The following HDAC9 variants were observed in gnomAD, a reference collection of about 807,000 sequenced individuals.
HDAC9 encodes the protein MEF-2 interacting transcription repressor (MITR) protein.
A neutral mutation model predicts 139.4 loss-of-function variants in HDAC9; 41 were observed. That is an observed-to-expected ratio of 0.29 (90% CI 0.23 to 0.38). The LOEUF (loss-of-function observed/expected upper bound fraction) is 0.38, where lower values mean the gene tolerates loss of function less well. Among genes scored for constraint, HDAC9 ranks in the 10% least tolerant of loss-of-function variants. The pLI is 1.00. For synonymous variants in HDAC9, 517 were observed against 476.2 expected (o/e 1.09, Z -1.12); for missense variants, 1,147 against 1,297.0 (o/e 0.88, Z 1.78).
At chr7:18,497,133 G>A (rs367915466) in intron 2 of HDAC9, among the ~76,000 whole-genome samples, 21 of 152,238 alleles carry the variant, frequency 1.4e-4, no homozygotes, top group African/African-American at 4.6e-4. Context: ...ATCACTTAAC[G>A]TGTAATTATT....
intron 1 of HDAC9, among the ~76,000 whole-genome samples, chr7:18,412,629 C>G (rs1203545566): frequency 6.6e-6 from 1 of 152,172 alleles, no homozygotes; most frequent in African/African-American, 2.4e-5. Context: ...CACTAAGGGA[C>G]TCACGCTCAG....
chr7:18,265,846 G>T (rs899347098), intron 2 of HDAC9, among the ~76,000 whole-genome samples: 1 of 152,058 alleles, frequency 6.6e-6, no homozygotes, highest in Non-Finnish European at 1.5e-5. Context: ...GGAAAATTTG[G>T]CCTTCCACAG....
chr7:18,568,026 G>GTGTATATATATATATATATATATATATA lies in HDAC9; in HGVS notation c.23-17254_23-17253insGTATATATATATATATATATATATATAT, dbSNP rs1384273199. Among the ~76,000 whole-genome samples the GTGTATATATATATATATATATATATATA allele has an allele frequency of 1.8e-3, 226 of 126,798 alleles. 7 individuals carry two copies. The highest frequency in any genetic ancestry group is 2.7e-3 in the Non-Finnish European group (161 of 60,698). 83.2% of individuals were successfully genotyped at this position (126,798 alleles called of 152,430 possible). A position where few individuals can be genotyped will look rare whatever the true frequency, so the allele number is the denominator to read the frequency against. On this transcript the variant is annotated intron_variant, in intron 2 of 25. Transcript: ENST00000686413. ...TTATACATACAGGATATATGTATATGTATATATATATATATATATATATAT... is the reference window on the plus strand; with the variant it reads ...TTATACATACAGGATATATGTATATGTGTATATATATATATATATATATATATATATATATATATATATATATATATAT...
At chr7:18,165,677 C>A (rs1031503696) in intron 2 of HDAC9, among the ~76,000 whole-genome samples, 5 of 151,642 alleles carry the variant, frequency 3.3e-5, no homozygotes, top group South Asian at 2.1e-4. Flanking sequence ...GTAGTCCCTG[C>A]TACTTAGGAA....
intron 1 of HDAC9, among the ~76,000 whole-genome samples, chr7:18,153,414 G>A (rs1346593119): frequency 6.6e-6 from 1 of 152,102 alleles, no homozygotes; most frequent in Non-Finnish European, 1.5e-5. Flanking sequence ...TGTAAATGAA[G>A]TAGCAGCCCA....
At position 18,549,972 on chromosome 7, in the gene HDAC9, G is replaced by A. The variant is rs553586194; in HGVS notation, c.23-35309G>A. Reference sequence around the variant, plus strand: ...TTTTTTTTTGTAGGATACTGAGATAGCTTACTTTTCTTGCTTAGGAATGCC... The same window carrying A: ...TTTTTTTTTGTAGGATACTGAGATAACTTACTTTTCTTGCTTAGGAATGCC... On this transcript the variant is annotated intron_variant, in intron 2 of 25. Coordinates refer to ENST00000686413, the MANE Select transcript of HDAC9 (RefSeq NM_178425.4). 2.1e-4 allele frequency among the ~76,000 whole-genome samples: 31 copies of A among 150,080 alleles called. No individual in the cohort carries two copies. In the South Asian group the frequency reaches 5.9e-3, roughly 29 times the overall value.
intron 2 of HDAC9, chr7:18,517,641 A>T (rs112683480): frequency 1.4e-3 from 215 of 152,324 alleles, no homozygotes; most frequent in African/African-American, 4.8e-3. Context: ...TGATTTGAAC[A>T]TTTGTCCATC....
intron 1 of HDAC9, among the ~76,000 whole-genome samples, chr7:18,385,329 TGC>T (rs1207414080): frequency 6.6e-6 from 1 of 151,862 alleles, no homozygotes; most frequent in Non-Finnish European, 1.5e-5. Flanking sequence ...ACAGTATGTG[TGC>T]TTCTAAAATC....
chr7:18,662,206 G>A (rs1412146000), intron 11 of HDAC9, among the ~76,000 whole-genome samples: 1 of 151,956 alleles, frequency 6.6e-6, no homozygotes, highest in Admixed American at 6.6e-5. Context: ...TTTCTAAAAT[G>A]TTTCACCTTT....
intron 1 of HDAC9, among the ~76,000 whole-genome samples, chr7:18,368,513 A>G (rs1784356952): frequency 6.6e-6 from 1 of 151,992 alleles, no homozygotes; most frequent in South Asian, 2.1e-4. Flanking sequence ...CACTATGTTT[A>G]TAGAGCAAAA....
chr7:18,324,342 T>TACTTCACC (rs1441610685), intron 1 of HDAC9, among the ~76,000 whole-genome samples: 3 of 152,170 alleles, frequency 2.0e-5, no homozygotes, highest in Non-Finnish European at 4.4e-5. Flanking sequence ...CCGGTTCAAT[T>TACTTCACC]TCTTGGCAAA....
chr7:18,282,469 G>C (rs558398004), intron 2 of HDAC9, among the ~76,000 whole-genome samples: 3 of 152,262 alleles, frequency 2.0e-5, no homozygotes, highest in African/African-American at 7.2e-5. Context: ...GGAAATAGAT[G>C]AGAGTGATAC....
At chr7:18,427,578 T>C (rs942994755) in intron 1 of HDAC9, among the ~76,000 whole-genome samples, 2 of 152,072 alleles carry the variant, frequency 1.3e-5, no homozygotes, top group Non-Finnish European at 2.9e-5. Flanking sequence ...CTGCTGATCC[T>C]GGCCTCCACC....
At chr7:18,390,089 CACACA>C (rs1786329086) in intron 1 of HDAC9, among the ~76,000 whole-genome samples, 1 of 149,984 alleles carries the variant, frequency 6.7e-6, no homozygotes, top group Non-Finnish European at 1.5e-5. Flanking sequence ...CACACACACA[CACACA>C]CGTCGTAGAG....
At chr7:18,122,137 A>G (rs1784400180) in intron 1 of HDAC9, among the ~76,000 whole-genome samples, 1 of 152,224 alleles carries the variant, frequency 6.6e-6, no homozygotes, top group African/African-American at 2.4e-5. Flanking sequence ...ATAATATTTT[A>G]TTTAAGGTTG....
intron 21 of HDAC9, among the ~76,000 whole-genome samples, chr7:18,849,751 A>G (rs944082775): frequency 6.6e-6 from 1 of 152,204 alleles, no homozygotes; most frequent in Non-Finnish European, 1.5e-5. Flanking sequence ...CATTAAGTTC[A>G]TACTCTCCAT....
At chr7:18,731,927 T>G (rs1269188482) in intron 13 of HDAC9, among the ~76,000 whole-genome samples, 1 of 151,130 alleles carries the variant, frequency 6.6e-6, no homozygotes, top group African/African-American at 2.4e-5. Flanking sequence ...GGCCCAGCCT[T>G]AAAAAAATGA....
intron 21 of HDAC9, among the ~76,000 whole-genome samples, chr7:18,866,467 G>T (rs957389253): frequency 6.6e-6 from 1 of 152,018 alleles, no homozygotes; most frequent in Admixed American, 6.5e-5. Flanking sequence ...TTTCTTCCTT[G>T]TTGGTTGCCC....
intron 19 of HDAC9, among the ~76,000 whole-genome samples, chr7:18,832,477 T>A (rs1222236594): frequency 6.6e-6 from 1 of 152,218 alleles, no homozygotes; most frequent in Non-Finnish European, 1.5e-5. Flanking sequence ...GTTTGCAGTA[T>A]GCTTTTTAAC....
Sources: gnomAD v4.1 joint callset for allele counts (sites outside exome capture counted in the v4.1 genomes callset) on GRCh38, gnomAD v4.1.1 for gene constraint, MANE v1.5 for transcripts, NCBI Gene and HGNC (gene_info 2026-07-23, HGNC 2026-07-21) for gene names.